The following ARHGAP24 variants were observed in gnomAD, a reference collection of about 807,000 sequenced individuals.
The protein encoded by ARHGAP24 is rho GTPase-activating protein 24.
Under a neutral mutation model 76.4 loss-of-function variants are expected in ARHGAP24, and 50 were observed. That is an observed-to-expected ratio of 0.65 (90% CI 0.52 to 0.83). The LOEUF (loss-of-function observed/expected upper bound fraction) is 0.83, where lower values mean the gene tolerates loss of function less well. Ranked by LOEUF, ARHGAP24 falls within the 40% of genes least tolerant of loss-of-function variation. ARHGAP24 has a pLI of 0.00. For synonymous variants in ARHGAP24, 345 were observed against 323.3 expected (o/e 1.07, Z -0.72); for missense variants, 930 against 914.2 (o/e 1.02, Z -0.22).
intron 3 of ARHGAP24, among the ~76,000 whole-genome samples, chr4:85,752,377 A>G (rs76584985): frequency 0.015 from 2,264 of 152,310 alleles, 49 homozygotes; most frequent in African/African-American, 0.051. Context: ...ATGTCACCAG[A>G]GAGAACCCCA....
intron 2 of ARHGAP24, among the ~76,000 whole-genome samples, chr4:85,663,077 G>A (rs2109993923): frequency 6.6e-6 from 1 of 151,896 alleles, no homozygotes; most frequent in African/African-American, 2.4e-5. Context: ...AGCTTGATGG[G>A]GATGGCATTG....
intron 2 of ARHGAP24, among the ~76,000 whole-genome samples, chr4:85,618,742 C>A (rs985214829): frequency 6.6e-6 from 1 of 151,950 alleles, no homozygotes; most frequent in African/African-American, 2.4e-5. Flanking sequence ...ATGTTGAGCA[C>A]TTTTCATATA....
chr4:85,650,281 C>G (rs1479113229), intron 2 of ARHGAP24, among the ~76,000 whole-genome samples: 1 of 149,514 alleles, frequency 6.7e-6, no homozygotes, highest in Non-Finnish European at 1.5e-5. Context: ...AAAAGTCCAA[C>G]AATTTTTCAC....
chr4:85,738,947 A>C (rs1725706934), intron 3 of ARHGAP24, among the ~76,000 whole-genome samples: 1 of 152,190 alleles, frequency 6.6e-6, no homozygotes, highest in African/African-American at 2.4e-5. Context: ...AATTTTCAAT[A>C]ATTCTCTTGT....
intron 7 of ARHGAP24, 97 bp downstream of exon 7, chr4:85,975,058 C>G (rs990577882): frequency 9.1e-7 from 1 of 1,093,690 alleles, no homozygotes. Context: ...TCAACTACTT[C>G]GAGCCCTAGT....
chr4:85,589,616 C>T (rs190932222), intron 2 of ARHGAP24, among the ~76,000 whole-genome samples: 84 of 152,246 alleles, frequency 5.5e-4, no homozygotes, highest in Middle Eastern at 6.8e-3. Context: ...TCTACATCTC[C>T]GGCCAGAGAT....
At chr4:85,761,214 C>A (rs1293820117) in intron 3 of ARHGAP24, among the ~76,000 whole-genome samples, 1 of 152,148 alleles carries the variant, frequency 6.6e-6, no homozygotes, top group Non-Finnish European at 1.5e-5. Context: ...TAATTTGATT[C>A]TCTCTTGTTA....
chr4:85,819,587 C>A (rs1729382174), intron 3 of ARHGAP24, among the ~76,000 whole-genome samples: 1 of 151,888 alleles, frequency 6.6e-6, no homozygotes. Flanking sequence ...ATTAACATAC[C>A]ATAAGAAAGC....
At chr4:85,807,072 AT>A (rs969940940) in intron 3 of ARHGAP24, among the ~76,000 whole-genome samples, 27 of 152,304 alleles carry the variant, frequency 1.8e-4, no homozygotes, top group African/African-American at 5.8e-4. Flanking sequence ...AAAATTGTGT[AT>A]TTTTAACAGT....
intron 3 of ARHGAP24, among the ~76,000 whole-genome samples, chr4:85,895,001 C>CAAAAAAAAAAAA (rs1222078793): frequency 9.2e-5 from 5 of 54,328 alleles, no homozygotes; most frequent in Non-Finnish European, 9.2e-5. Context: ...AAACAAAAAG[C>CAAAAAAAAAAAA]AAAAAAAAAA....
At chr4:85,827,461 C>CGTGTGTGTGTGTGTGTGTGTGTGTGT (rs56379272) in intron 3 of ARHGAP24, among the ~76,000 whole-genome samples, 1 of 108,642 alleles carries the variant, frequency 9.2e-6, no homozygotes, top group Non-Finnish European at 1.9e-5. Context: ...GAAGTCTGCC[C>CGTGTGTGTGTGTGTGTGTGTGTGTGT]GTGTGTGTGT....
At chr4:85,922,480 GA>G (rs1735780379) in intron 3 of ARHGAP24, among the ~76,000 whole-genome samples, 1 of 152,148 alleles carries the variant, frequency 6.6e-6, no homozygotes, top group Non-Finnish European at 1.5e-5. Flanking sequence ...ACAACACTCA[GA>G]TATGAATTAA....
chr4:85,548,562 G>A (rs140101122), intron 1 of ARHGAP24, among the ~76,000 whole-genome samples: 16 of 152,266 alleles, frequency 1.1e-4, no homozygotes, highest in African/African-American at 3.1e-4. Flanking sequence ...ATATGTGTCT[G>A]TTTGCTCGAC....
intron 3 of ARHGAP24, among the ~76,000 whole-genome samples, chr4:85,910,477 G>A (rs183862160): frequency 8.5e-5 from 13 of 152,122 alleles, no homozygotes; most frequent in African/African-American, 2.7e-4. Flanking sequence ...GACCCACAGC[G>A]GGTAGCTCCT....
At chr4:85,744,726 A>G (rs1725962279) in intron 3 of ARHGAP24, among the ~76,000 whole-genome samples, 1 of 152,268 alleles carries the variant, frequency 6.6e-6, no homozygotes, top group South Asian at 2.1e-4. Context: ...AACTTGTAAC[A>G]AAAGAGACTT....
chr4:85,541,502 C>T (rs1725701285), intron 1 of ARHGAP24, among the ~76,000 whole-genome samples: 1 of 152,162 alleles, frequency 6.6e-6, no homozygotes, highest in Admixed American at 6.5e-5. Flanking sequence ...CCAGATCCTT[C>T]ACAATTCTTG....
At chr4:85,955,914 A>G (rs1737877693) in intron 5 of ARHGAP24, among the ~76,000 whole-genome samples, 1 of 152,204 alleles carries the variant, frequency 6.6e-6, no homozygotes. Flanking sequence ...AAGTTTCAAG[A>G]CAGCCTGAAA....
chr4:85,875,683 A>C (rs1306659163), intron 3 of ARHGAP24, among the ~76,000 whole-genome samples: 1 of 132,292 alleles, frequency 7.6e-6, no homozygotes, highest in African/African-American at 2.8e-5. Context: ...TTATATATAA[A>C]TATTAAAAAT....
intron 2 of ARHGAP24, among the ~76,000 whole-genome samples, chr4:85,617,097 ATAAATATATATT>A (rs11269419): frequency 0.33 from 47,786 of 146,274 alleles, 8,852 homozygotes; most frequent in East Asian, 0.84. Context: ...ATATATATTT[ATAAATATATATT>A]TAAATATATA....
Sources: allele counts gnomAD v4.1 joint callset (sites outside exome capture counted in the v4.1 genomes callset), GRCh38; gene constraint gnomAD v4.1.1; transcripts MANE v1.5; gene names NCBI Gene and HGNC (gene_info 2026-07-23, HGNC 2026-07-21).